The following SEPTIN9 variants were observed in gnomAD, a reference collection of about 807,000 sequenced individuals.
The protein encoded by SEPTIN9 is septin-9.
In SEPTIN9, 13 loss-of-function variants were observed where a neutral mutation model predicts 56.6. That is an observed-to-expected ratio of 0.23 (90% confidence interval 0.15 to 0.37). SEPTIN9 has a LOEUF of 0.37. SEPTIN9 is among the 10% of genes least tolerant of loss of function. SEPTIN9 has a pLI of 1.00. For missense variants in SEPTIN9, 650 were observed against 823.1 expected (o/e 0.79, Z 2.57); for synonymous variants, 332 against 334.1 (o/e 0.99, Z 0.07).
intron 2 of SEPTIN9, among the ~76,000 whole-genome samples, chr17:77,348,542 C>T (rs202015872): frequency 7.6e-4 from 116 of 152,136 alleles, no homozygotes; most frequent in African/African-American, 2.5e-3. Flanking sequence ...TCAGGCGATC[C>T]GCCCACCCTG....
intron 2 of SEPTIN9, among the ~76,000 whole-genome samples, chr17:77,333,711 G>A (rs183592216): frequency 5.9e-5 from 9 of 152,270 alleles, no homozygotes; most frequent in Non-Finnish European, 1.0e-4. Context: ...GAGTTATATA[G>A]CTTTTATGAA....
At chr17:77,344,897 G>C (rs753179383) in intron 2 of SEPTIN9, among the ~76,000 whole-genome samples, 4 of 146,520 alleles carry the variant, frequency 2.7e-5, no homozygotes, top group Non-Finnish European at 4.5e-5. Context: ...GCTTGAACTA[G>C]GGAGGTGGAG....
chr17:77,390,207 G>T (rs920126635), intron 2 of SEPTIN9, among the ~76,000 whole-genome samples: 1 of 151,640 alleles, frequency 6.6e-6, no homozygotes, highest in African/African-American at 2.4e-5. Flanking sequence ...CTACGTGGCT[G>T]TCCCAGGCAG....
intron 3 of SEPTIN9, among the ~76,000 whole-genome samples, chr17:77,477,029 A>G (rs758397407): frequency 2.6e-5 from 4 of 152,106 alleles, no homozygotes; most frequent in Admixed American, 6.5e-5. Flanking sequence ...GGACTCTTCA[A>G]TCCAGCTCCA....
chr17:77,442,506 TAAAA>T (rs574360726), intron 3 of SEPTIN9, among the ~76,000 whole-genome samples: 2 of 91,330 alleles, frequency 2.2e-5, no homozygotes, highest in African/African-American at 4.0e-5. Flanking sequence ...CAACTAGTCT[TAAAA>T]AAAAAAAAAA....
At chr17:77,466,750 T>C (rs910580617) in intron 3 of SEPTIN9, among the ~76,000 whole-genome samples, 10 of 152,188 alleles carry the variant, frequency 6.6e-5, no homozygotes, top group African/African-American at 2.2e-4. Context: ...TTTATTACTT[T>C]GCTCTGATTT....
At position 77,319,303 on chromosome 17, in the gene SEPTIN9, G is replaced by A. The variant is rs2032815473; in HGVS notation, c.76+12106G>A. Among the ~76,000 whole-genome samples, 1 of 152,176 alleles carries A rather than the reference G, an allele frequency of 6.6e-6. No homozygotes were observed. The highest frequency in any genetic ancestry group is 2.1e-4 in the South Asian group (1 of 4,832). ...ATGGACCCTGACCATGTGCTGGTGG[G>A]GACCCCCCAGGTAAGTAAGCAGCCT... On this transcript the variant is annotated intron_variant, in intron 2 of 11. Transcript: ENST00000427177. The surrounding 1 kb of genome is among the most constrained non-coding windows in gnomAD (Gnocchi z 5.3).
chr17:77,324,503 G>A (rs2143675465), intron 2 of SEPTIN9, among the ~76,000 whole-genome samples: 1 of 152,292 alleles, frequency 6.6e-6, no homozygotes, highest in Admixed American at 6.5e-5. Context: ...CATGGAGCCG[G>A]CAACTCCCCA....
At chr17:77,407,370 G>A (rs921441866) in intron 3 of SEPTIN9, among the ~76,000 whole-genome samples, 1 of 151,716 alleles carries the variant, frequency 6.6e-6, no homozygotes, top group Non-Finnish European at 1.5e-5. Context: ...TTATGCTGAA[G>A]GAGTGAGCCA....
intron 3 of SEPTIN9, among the ~76,000 whole-genome samples, chr17:77,438,967 C>T (rs2144329234): frequency 6.6e-6 from 1 of 152,336 alleles, no homozygotes; most frequent in Admixed American, 6.5e-5. Flanking sequence ...TCCATTTCCC[C>T]TTTTGACAAA....
intron 2 of SEPTIN9, among the ~76,000 whole-genome samples, chr17:77,359,866 C>T (rs1255140978): frequency 6.6e-6 from 1 of 151,930 alleles, no homozygotes; most frequent in African/African-American, 2.4e-5. Context: ...CAGATGTATC[C>T]TCAAGATAGC....
chr17:77,379,852 C>T (rs60699169), intron 2 of SEPTIN9, among the ~76,000 whole-genome samples: 1 of 152,096 alleles, frequency 6.6e-6, no homozygotes, highest in Non-Finnish European at 1.5e-5. Context: ...AAACCAAGTT[C>T]CTGTGCTCTC....
intron 3 of SEPTIN9, chr17:77,447,058 C>T (rs1424755469): frequency 3.0e-5 from 5 of 167,152 alleles, no homozygotes; most frequent in African/African-American, 1.2e-4. Context: ...ACTCACTCCC[C>T]ATTCGCCCTC....
At chr17:77,332,469 G>A (rs1288156188) in intron 2 of SEPTIN9, among the ~76,000 whole-genome samples, 2 of 152,134 alleles carry the variant, frequency 1.3e-5, no homozygotes, top group Non-Finnish European at 2.9e-5. Context: ...ACAACATCCT[G>A]TCAACACCTC....
At chr17:77,286,203 T>A (rs1398981018) in intron 1 of SEPTIN9, 2 of 152,340 alleles carry the variant, frequency 1.3e-5, no homozygotes, top group African/African-American at 4.8e-5. Context: ...GCCTAAGTCC[T>A]GGGGCCAGCC....
In SEPTIN9 at chr17:77,367,463, C is replaced by T. The variant is rs1356181578; in HGVS notation, c.77-34596C>T. Among the ~76,000 whole-genome samples the T allele has an allele frequency of 6.6e-6, 1 of 152,144 alleles. No homozygotes were observed. Among genetic ancestry groups the T allele is most frequent in the Non-Finnish European group, 1.5e-5 (1 of 68,006 alleles). On this transcript the variant is annotated intron_variant, in intron 2 of 11. Coordinates refer to ENST00000427177, the MANE Select transcript of SEPTIN9 (RefSeq NM_001113491.2). The surrounding 1 kb of genome is among the most constrained non-coding windows in gnomAD (Gnocchi z 4.5). ...GATCGAACAGGTGTGTGTGGAGTCC[C>T]TAAAGCCACTGTCTCAAGGGGTCTC...
At position 77,351,924 on chromosome 17, in the gene SEPTIN9, C is replaced by T. The variant is rs758650911; in HGVS notation, c.76+44727C>T. Among the ~76,000 whole-genome samples the T allele has an allele frequency of 1.2e-3, 186 of 152,208 alleles. 1 individual carries two copies. Among genetic ancestry groups the T allele is most frequent in the Non-Finnish European group, 2.4e-3 (161 of 68,030 alleles). On this transcript the variant is annotated intron_variant, in intron 2 of 11. Coordinates refer to ENST00000427177, the MANE Select transcript of SEPTIN9 (RefSeq NM_001113491.2). The stretch of plus-strand genomic sequence containing the variant: ...CAGCGGTGCTGCCCTTACTGCTGGA[C>T]GTGGGAAAATGCACTGACACTTGCT...
At chr17:77,373,105 C>T in intron 2 of SEPTIN9, 2 of 822,276 alleles carry the variant, frequency 2.4e-6, no homozygotes, top group African/African-American at 1.8e-5. Context: ...CTCGCCGTCC[C>T]CTGGGCGCGG....
rs2033309996 is a variant in SEPTIN9, at chr17:77,330,586, AG to A, written c.76+23392del. Among the ~76,000 whole-genome samples, 1 of 152,236 alleles carries A rather than the reference AG, an allele frequency of 6.6e-6. No homozygotes were observed. Among genetic ancestry groups the A allele is most frequent in the African/African-American group, 2.4e-5 (1 of 41,466 alleles). On this transcript the variant is annotated intron_variant, in intron 2 of 11. Coordinates refer to ENST00000427177, the MANE Select transcript of SEPTIN9 (RefSeq NM_001113491.2). The surrounding 1 kb of genome is among the most constrained non-coding windows in gnomAD (Gnocchi z 4.4). ...AGGATGGGTAGGACTTGGAGACAACAGGGATTCAAAGAAGTCGGGAGTGGGG... is the reference window on the plus strand; with the variant it reads ...AGGATGGGTAGGACTTGGAGACAACAGGATTCAAAGAAGTCGGGAGTGGGG...
Sources: gnomAD v4.1 joint callset for allele counts (sites outside exome capture counted in the v4.1 genomes callset) on GRCh38, gnomAD v4.1.1 for gene constraint, Gnocchi (gnomAD v3.1) non-coding constraint, MANE v1.5 for transcripts, NCBI Gene and HGNC (gene_info 2026-07-23, HGNC 2026-07-21) for gene names.